Variants in TRAPPC9 observed in about 807,000 individuals in gnomAD.
TRAPPC9 encodes the protein IKK2 binding protein.
In TRAPPC9, 83 loss-of-function variants were observed where a neutral mutation model predicts 124.0. That is an observed-to-expected ratio of 0.67 (90% CI 0.56 to 0.80). The LOEUF (loss-of-function observed/expected upper bound fraction) is 0.80, where lower values mean the gene tolerates loss of function less well. Ranked by LOEUF, TRAPPC9 falls within the 30% of genes least tolerant of loss-of-function variation. TRAPPC9 has a pLI of 0.00. For missense variants in TRAPPC9, 1,302 were observed against 1,508.3 expected, an observed-to-expected ratio of 0.86 and a Z score of 2.27; for synonymous variants, 638 against 617.5, an observed-to-expected ratio of 1.03 and a Z score of -0.49.
chr8:139,755,010 C>A (rs1819600326), intron 21 of TRAPPC9, among the ~76,000 whole-genome samples: 1 of 152,266 alleles, frequency 6.6e-6, no homozygotes, highest in Non-Finnish European at 1.5e-5. Context: ...CGGGCCAAAG[C>A]CATCGGTCTT....
At chr8:140,393,270 A>C (rs2068985342) in intron 7 of TRAPPC9, among the ~76,000 whole-genome samples, 1 of 152,022 alleles carries the variant, frequency 6.6e-6, no homozygotes, top group Admixed American at 6.6e-5. Context: ...GAAACAGGCT[A>C]ATGAGGTTAC....
chr8:139,826,548 G>A lies in TRAPPC9; in HGVS notation c.3055+59331C>T, dbSNP rs529359582. Among the ~76,000 whole-genome samples, 33 of 152,320 alleles carry A rather than the reference G, an allele frequency of 2.2e-4. No homozygotes were observed. In the South Asian group the frequency reaches 2.9e-3, roughly 13 times the overall value. On this transcript the variant is annotated intron_variant, in intron 21 of 22. Transcript: ENST00000438773. ...ACTGAATGAAGAGGGTGGGAACCACGGCAGAGGCGGTGGAGTGGGGCAGCA... is the reference window on the plus strand; with the variant it reads ...ACTGAATGAAGAGGGTGGGAACCACAGCAGAGGCGGTGGAGTGGGGCAGCA...
chr8:140,187,173 C>G (rs998884827), intron 17 of TRAPPC9, among the ~76,000 whole-genome samples: 1 of 152,098 alleles, frequency 6.6e-6, no homozygotes, highest in African/African-American at 2.4e-5. Flanking sequence ...CTCAGCCAGA[C>G]GTGGGTGGAA....
At chr8:140,417,232 G>A (rs2069966940) in intron 5 of TRAPPC9, among the ~76,000 whole-genome samples, 1 of 152,144 alleles carries the variant, frequency 6.6e-6, no homozygotes, top group South Asian at 2.1e-4. Flanking sequence ...TTAAACTAAA[G>A]AGCTTCTACA....
chr8:140,345,736 A>G (rs1426309375), intron 9 of TRAPPC9, among the ~76,000 whole-genome samples: 1 of 152,200 alleles, frequency 6.6e-6, no homozygotes, highest in Non-Finnish European at 1.5e-5. Flanking sequence ...AGGTTAAGGG[A>G]ACACTCGGGG....
At chr8:139,790,488 G>T (rs1044792199) in intron 21 of TRAPPC9, among the ~76,000 whole-genome samples, 7 of 152,232 alleles carry the variant, frequency 4.6e-5, no homozygotes, top group African/African-American at 1.7e-4. Flanking sequence ...TCTCTGCCCT[G>T]AGAGGCAGGC....
intron 19 of TRAPPC9, among the ~76,000 whole-genome samples, chr8:139,985,159 A>T (rs901062816): frequency 1.3e-5 from 2 of 152,216 alleles, no homozygotes; most frequent in Non-Finnish European, 2.9e-5. Context: ...CTTAATAACA[A>T]AAAAGCCTGA....
intron 17 of TRAPPC9, among the ~76,000 whole-genome samples, chr8:140,075,536 A>C (rs7822314): frequency 0.66 from 99,926 of 152,094 alleles, 32,947 homozygotes; most frequent in Middle Eastern, 0.73. Flanking sequence ...GGGTTTCAGC[A>C]CCATGGAACT....
chr8:140,168,349 C>T (rs1029179460), intron 17 of TRAPPC9, among the ~76,000 whole-genome samples: 2 of 138,222 alleles, frequency 1.4e-5, no homozygotes, highest in Non-Finnish European at 3.1e-5. Context: ...CCACCTCTAT[C>T]CAGTTCTAAA....
intron 17 of TRAPPC9, chr8:140,095,372 G>C (rs1844867691): frequency 1.3e-5 from 2 of 152,288 alleles, no homozygotes. Context: ...TTCCAGCAGA[G>C]CTGTGAGGCA....
chr8:140,003,814 A>G lies in TRAPPC9; in HGVS notation c.2700-14978T>C, dbSNP rs375610986. 1.0e-3 allele frequency among the ~76,000 whole-genome samples: 159 copies of G among 152,354 alleles called. 1 individual carries two copies. The highest frequency in any genetic ancestry group is 3.2e-3 in the African/African-American group (135 of 41,590). On this transcript the variant is annotated intron_variant, in intron 18 of 22. Coordinates refer to ENST00000438773, the MANE Select transcript of TRAPPC9 (RefSeq NM_001160372.4). ...CTTACAAAGTTGAATAGTGAAAAAT[A>G]CATCATATAATCCAGCAATCCCAGT...
At chr8:140,136,645 C>A (rs914803406) in intron 17 of TRAPPC9, among the ~76,000 whole-genome samples, 1 of 152,168 alleles carries the variant, frequency 6.6e-6, no homozygotes, top group Admixed American at 6.5e-5. Context: ...CAAGACCAGC[C>A]TGGCCAATAC....
chr8:139,888,202 G>A (rs1830130266), intron 20 of TRAPPC9, among the ~76,000 whole-genome samples: 1 of 152,310 alleles, frequency 6.6e-6, no homozygotes, highest in Non-Finnish European at 1.5e-5. Context: ...GAGATGCCCT[G>A]GCCCTGAGTA....
intron 4 of TRAPPC9, among the ~76,000 whole-genome samples, chr8:140,426,987 G>A (rs886746783): frequency 1.1e-4 from 17 of 150,572 alleles, no homozygotes; most frequent in Non-Finnish European, 1.9e-4. Flanking sequence ...GTGCAGTGGC[G>A]TGATCTCAGC....
At chr8:140,217,261 G>A (rs746284667) in intron 17 of TRAPPC9, among the ~76,000 whole-genome samples, 4 of 152,190 alleles carry the variant, frequency 2.6e-5, no homozygotes, top group Non-Finnish European at 4.4e-5. Context: ...GTGATACAGC[G>A]ATGGCCAGGC....
intron 16 of TRAPPC9, among the ~76,000 whole-genome samples, chr8:140,222,100 G>A (rs531623005): frequency 5.3e-5 from 8 of 152,214 alleles, no homozygotes; most frequent in African/African-American, 1.2e-4. Flanking sequence ...TTTGGACCAC[G>A]CAGAGCCCAT....
intron 21 of TRAPPC9, among the ~76,000 whole-genome samples, chr8:139,739,522 A>T (rs1261729232): frequency 5.3e-5 from 8 of 152,086 alleles, no homozygotes; most frequent in Non-Finnish European, 1.2e-4. Flanking sequence ...CCTCCCCGCC[A>T]CTGCTCCCTG....
intron 21 of TRAPPC9, among the ~76,000 whole-genome samples, chr8:139,830,260 CACAT>C (rs1392373311): frequency 1.4e-4 from 21 of 151,228 alleles, no homozygotes; most frequent in African/African-American, 5.1e-4. Flanking sequence ...CACATGCACA[CACAT>C]GCATACACAC....
chr8:140,250,255 C>T (rs2064100274), intron 16 of TRAPPC9, among the ~76,000 whole-genome samples: 1 of 152,294 alleles, frequency 6.6e-6, no homozygotes, highest in Non-Finnish European at 1.5e-5. Flanking sequence ...AGTCTTTATA[C>T]ACAACATGTG....
Sources: gnomAD v4.1 joint callset for allele counts (sites outside exome capture counted in the v4.1 genomes callset) on GRCh38, gnomAD v4.1.1 for gene constraint, MANE v1.5 for transcripts, NCBI Gene and HGNC (gene_info 2026-07-23, HGNC 2026-07-21) for gene names.